CEP164: variants seen among roughly 807,000 people sequenced by gnomAD.
The protein encoded by CEP164 is centrosomal protein of 164 kDa.
In CEP164, 162 loss-of-function variants were observed where a neutral mutation model predicts 182.7. The observed-to-expected ratio is 0.89, with a 90% CI of 0.78 to 1.01. The LOEUF (loss-of-function observed/expected upper bound fraction) is 1.01. Among genes scored for constraint, CEP164 ranks in the 50% least tolerant of loss-of-function variants. CEP164 has a pLI of 0.00. For synonymous variants in CEP164, 661 were observed against 690.0 expected (o/e 0.96, Z 0.66); for missense variants, 1,735 against 1,790.4 (o/e 0.97, Z 0.56).
chr11:117,399,388 G>C (rs866929832), intron 27 of CEP164, among the ~76,000 whole-genome samples: 68 of 152,266 alleles, frequency 4.5e-4, no homozygotes, highest in African/African-American at 1.6e-3. Flanking sequence ...TATCATTGAT[G>C]GGCATTTGGG....
chr11:117,381,997 C>G, intron 13 of CEP164, 129 bp downstream of exon 13: 3 of 754,684 alleles, frequency 4.0e-6, no homozygotes, highest in African/African-American at 1.8e-5. Context: ...GGAGCTGGGG[C>G]GGGTTTGTAG....
Position 117,408,906 on chromosome 11 carries a change from C to G in CEP164, c.3626C>G (p.Thr1209Ser). The change falls in exon 29 of 33, where the codon ACT (threonine) becomes AGT (serine). Residue 1209 changes from threonine (T) to serine (S), a missense_variant. By Grantham distance (58) the Thr-to-Ser change is moderately conservative. Coordinates refer to ENST00000278935, the MANE Select transcript of CEP164 (RefSeq NM_014956.5). ...SLWEEASDEG[T>S]LGGSPTKKAV... The stretch of plus-strand genomic sequence containing the variant: ...ACCCCACAGGCCTCAGATGAGGGCA[C>G]TCTGGGAGGATCCCCCACCAAGAAG... 6.2e-7 allele frequency: 1 copy of G among 1,614,090 alleles called. No individual in the cohort carries two copies. The highest frequency in any genetic ancestry group is 8.5e-7 in the Non-Finnish European group (1 of 1,180,024).
intron 3 of CEP164, 117 bp from the exon 4 acceptor site, chr11:117,344,049 A>G: frequency 1.6e-6 from 1 of 630,380 alleles, no homozygotes; most frequent in Non-Finnish European, 2.8e-6. Flanking sequence ...TATTGTTTAT[A>G]ATTTAAAGAA....
intron 1 of CEP164, among the ~76,000 whole-genome samples, chr11:117,334,014 T>G (rs1176788656): frequency 3.3e-5 from 5 of 152,222 alleles, no homozygotes; most frequent in Non-Finnish European, 7.3e-5. Context: ...TACTCATCAT[T>G]CAGTTCTCAG....
At chr11:117,338,299 C>G (rs1467122505) in intron 2 of CEP164, among the ~76,000 whole-genome samples, 2 of 152,210 alleles carry the variant, frequency 1.3e-5, no homozygotes, top group Non-Finnish European at 2.9e-5. Context: ...GGCACAAAGT[C>G]AAACTCTTGA....
Position 117,375,655 on chromosome 11 carries a change from G to C in CEP164, c.1234-53G>C, listed in dbSNP as rs1371014389. 3 of 1,489,450 alleles carry C rather than the reference G, an allele frequency of 2.0e-6. No individual in the cohort carries two copies. In the Admixed American group the frequency reaches 5.0e-5, roughly 25 times the overall value. The allele number at this position is 1,489,450 out of a possible 1,614,324, so 92.3% of individuals were successfully genotyped here. ...GTTGGGGTAGTGAAGAGGCCTGGTG[G>C]GTGTTGACTGTGACAGAGGCAGAGT... On this transcript the variant is annotated intron_variant, in intron 10 of 32. Coordinates refer to ENST00000278935, the MANE Select transcript of CEP164 (RefSeq NM_014956.5).
At chr11:117,395,095 C>T (rs1464183879) in intron 22 of CEP164, 28 bp from the exon 23 acceptor site, 3 of 1,613,848 alleles carry the variant, frequency 1.9e-6, no homozygotes, top group Non-Finnish European at 8.5e-7. Context: ...CTGCAGTCAG[C>T]CAGAAAATCC....
intron 4 of CEP164, among the ~76,000 whole-genome samples, chr11:117,345,767 A>T (rs1592054197): frequency 6.6e-6 from 1 of 150,466 alleles, no homozygotes; most frequent in East Asian, 2.0e-4. Flanking sequence ...GCTCACTGCA[A>T]CCTCCACCTC....
Position 117,395,631 on chromosome 11 carries a change from A to G in CEP164, c.2998A>G (p.Ile1000Val). ...LLQSNQQLRE[I>V]LDELQARKLK... ...GCAGTCAAACCAGCAGCTCCGAGAA[A>G]TTCTTGATGAGCTGCAGGCCCGCAA... Residue 1000 changes from isoleucine (I) to valine (V), a missense_variant, in exon 24 of 33, where the codon ATT (isoleucine) becomes GTT (valine). Coordinates refer to ENST00000278935, the MANE Select transcript of CEP164 (RefSeq NM_014956.5). 6.2e-7 allele frequency: 1 copy of G among 1,613,910 alleles called. No homozygotes were observed. The highest frequency in any genetic ancestry group is 8.5e-7 in the Non-Finnish European group (1 of 1,180,018).
intron 10 of CEP164, 126 bp downstream of exon 10, chr11:117,373,957 C>G: frequency 1.4e-6 from 1 of 706,696 alleles, no homozygotes; most frequent in Non-Finnish European, 2.5e-6. Flanking sequence ...ATGCTTGAGT[C>G]TTGTCTAGCT....
chr11:117,322,487 C>T (rs555075), intron 1 of CEP164, among the ~76,000 whole-genome samples: 75,987 of 151,930 alleles, frequency 0.5, 19,398 homozygotes, highest in East Asian at 0.7. Flanking sequence ...TGAAATATAC[C>T]GTATCAGTGT....
intron 27 of CEP164, 130 bp downstream of exon 27, chr11:117,397,443 G>A: frequency 1.3e-6 from 1 of 775,158 alleles, no homozygotes; most frequent in Non-Finnish European, 2.1e-6. Flanking sequence ...CTTGGCCCTG[G>A]GTCACTTATA....
rs1180692184 is a variant in CEP164, at chr11:117,397,317, A to G, written c.3501+4A>G. ...TATGCGCAAGAACCTGGAGAAGGTC[A>G]GGAGCTTTGGGAAGGGCCTGCCAGC... is the stretch of plus-strand genomic sequence containing the variant. On this transcript the variant is annotated splice_donor_region_variant and intron_variant, in intron 27 of 32. Transcript: ENST00000278935. The G allele has an allele frequency of 3.1e-6, 5 of 1,609,514 alleles. No individual in the cohort carries two copies. The African/African-American group carries it at 6.7e-5, about 22-fold the overall frequency.
intron 20 of CEP164, among the ~76,000 whole-genome samples, chr11:117,393,531 A>G (rs1280680800): frequency 6.6e-6 from 1 of 152,158 alleles, no homozygotes; most frequent in Non-Finnish European, 1.5e-5. Flanking sequence ...GGAAGGATCT[A>G]CTATCATTGT....
chr11:117,351,678 C>G (rs2039645111), intron 4 of CEP164, 112 bp from the exon 5 acceptor site: 3 of 935,350 alleles, frequency 3.2e-6, no homozygotes, highest in Middle Eastern at 2.5e-4. Flanking sequence ...TTTTCCACCC[C>G]ACTCTCTTCC....
At position 117,395,921 on chromosome 11, in the gene CEP164, T is replaced by G. The variant is rs1275283723; in HGVS notation, c.3090-133T>G. The G allele has an allele frequency of 3.0e-6, 4 of 1,314,676 alleles. No homozygotes were observed. The African/African-American group carries it at 5.9e-5, about 19-fold the overall frequency. The allele number at this position is 1,314,676 out of a possible 1,614,324, so 81.4% of individuals were successfully genotyped here. A position where few individuals can be genotyped will look rare whatever the true frequency, so the allele number is the denominator to read the frequency against. On this transcript the variant is annotated intron_variant, in intron 24 of 32. Transcript: ENST00000278935. ...AAAAGCAGGGGATCTCTGGTGCTAT[T>G]GTTCGTGCCTGAGCCCTTCCTCAGG...
chr11:117,366,318 G>A (rs1473138144), intron 8 of CEP164, among the ~76,000 whole-genome samples: 1 of 152,144 alleles, frequency 6.6e-6, no homozygotes, highest in Non-Finnish European at 1.5e-5. Context: ...GGACTTCTGA[G>A]GTTAGTTCTA....
intron 6 of CEP164, 118 bp downstream of exon 6, chr11:117,362,111 C>A: frequency 2.0e-6 from 2 of 1,024,514 alleles, no homozygotes; most frequent in South Asian, 1.7e-5. Flanking sequence ...CCTCAGAGTT[C>A]GTAATCCAGT....
rs2042676452 is a variant in CEP164, at chr11:117,375,750, G to A, written c.1276G>A (p.Val426Ile). 1 of 1,614,156 alleles carries A rather than the reference G, an allele frequency of 6.2e-7. No individual in the cohort carries two copies. Among genetic ancestry groups the A allele is most frequent in the Non-Finnish European group, 8.5e-7 (1 of 1,180,028 alleles). ...CCGGATCTCGGAGCACCTGCTGGAT[G>A]TTGATGTGCTTTCCCCAGTCCTGGG... ...RSRISEHLLD[V>I]DVLSPVLGGA... The change falls in exon 11 of 33, where the codon GTT becomes ATT. Residue 426 changes from valine (V) to isoleucine (I), a missense_variant. Transcript: ENST00000278935.
Sources: allele counts gnomAD v4.1 joint callset (sites outside exome capture counted in the v4.1 genomes callset), GRCh38; gene constraint gnomAD v4.1.1; transcripts MANE v1.5; gene names NCBI Gene and HGNC (gene_info 2026-07-23, HGNC 2026-07-21).